Variants in NUP85 observed in about 807,000 individuals in gnomAD.
The protein encoded by NUP85 is nucleoporin 85, also known as nuclear pore complex protein Nup85.
Under a neutral mutation model 92.8 loss-of-function variants are expected in NUP85, and 23 were observed. That is an observed-to-expected ratio of 0.25 (90% CI 0.18 to 0.35). The LOEUF (loss-of-function observed/expected upper bound fraction) is 0.35. Among genes scored for constraint, NUP85 ranks in the 10% least tolerant of loss-of-function variants. The probability of loss-of-function intolerance (pLI) is 1.00; values close to 1 mark genes in which losing one functional copy is unlikely to be tolerated. For missense variants in NUP85, 759 were observed against 822.8 expected, an observed-to-expected ratio of 0.92 and a Z score of 0.95; for synonymous variants, 314 against 306.9, an observed-to-expected ratio of 1.02 and a Z score of -0.24.
chr17:75,224,724 C>A (rs1056855877), intron 7 of NUP85, among the ~76,000 whole-genome samples: 1 of 150,592 alleles, frequency 6.6e-6, no homozygotes, highest in Non-Finnish European at 1.5e-5. Context: ...CTCAGCTACT[C>A]GGGAGGTTGA....
chr17:75,225,563 C>A, intron 9 of NUP85, 99 bp downstream of exon 9: 1 of 1,570,714 alleles, frequency 6.4e-7, no homozygotes, highest in Non-Finnish European at 8.6e-7. Flanking sequence ...TTGGATAGGG[C>A]TGTCTGTCGC....
chr17:75,222,354 C>T (rs767365935), intron 7 of NUP85, among the ~76,000 whole-genome samples: 6 of 152,010 alleles, frequency 3.9e-5, no homozygotes, highest in Non-Finnish European at 8.8e-5. Context: ...CGACATGTTA[C>T]GTTTTAAGAT....
At chr17:75,208,462 A>T in intron 1 of NUP85, 65 bp from the exon 2 acceptor site, 1 of 744,382 alleles carries the variant, frequency 1.3e-6, no homozygotes, top group Non-Finnish European at 2.1e-6. Context: ...AAAAAAAAAA[A>T]GAATGGAACA....
In NUP85 at chr17:75,225,262, C is replaced by T. The variant is rs1375153569; in HGVS notation, c.732+25C>T. 1.9e-6 allele frequency: 3 copies of T among 1,606,048 alleles called. No individual in the cohort carries two copies. The South Asian group carries it at 3.3e-5, about 18-fold the overall frequency. On this transcript the variant is annotated intron_variant, in intron 8 of 18. Coordinates refer to ENST00000245544, the MANE Select transcript of NUP85 (RefSeq NM_024844.5). ...TGTACGTGGGGGTAGCTTTGCTCTG[C>T]TGGGTCACAGGAGATGCGTGATTCA... is the stretch of plus-strand genomic sequence containing the variant.
chr17:75,212,081 TGC>T lies in NUP85; in HGVS notation c.361+25_361+26del, dbSNP rs539810910. On this transcript the variant is annotated intron_variant, in intron 4 of 18. Transcript: ENST00000245544. ...GTTGCAAGTAAGGACTGTGTGCGCG[TGC>T]GCGCGTGTGTGTGTGTGTGTGTGTG... 2.7e-3 allele frequency: 3,584 copies of T among 1,307,842 alleles called. 178 individuals carry two copies. Among genetic ancestry groups the T allele is most frequent in the Non-Finnish European group, 3.1e-3 (2,884 of 918,104 alleles). The allele number at this position is 1,307,842 out of a possible 1,614,324, so 81.0% of individuals were successfully genotyped here.
intron 14 of NUP85, among the ~76,000 whole-genome samples, chr17:75,232,428 T>C (rs146968274): frequency 9.3e-4 from 142 of 152,276 alleles, no homozygotes; most frequent in Non-Finnish European, 1.7e-3. Context: ...ACATGAGTTA[T>C]TACCCTGCAG....
chr17:75,215,810 T>C lies in NUP85; in HGVS notation c.462T>C (p.Ile154=), dbSNP rs1250853471. 6.2e-7 allele frequency: 1 copy of C among 1,613,856 alleles called. No individual in the cohort carries two copies. Among genetic ancestry groups the C allele is most frequent in the Non-Finnish European group, 8.5e-7 (1 of 1,179,836 alleles). ...LIWNLCEILF[I]EVAPAGPLLL... ...GGAACCTGTGTGAGATTCTTTTTAT[T>C]GAAGTGGCCCCAGGTAGGCATGGAA... is the stretch of plus-strand genomic sequence containing the variant. Residue 154 remains isoleucine (I), a synonymous_variant, in exon 6 of 19, where the codon ATT becomes ATC. Coordinates refer to ENST00000245544, the MANE Select transcript of NUP85 (RefSeq NM_024844.5).
chr17:75,217,184 C>A (rs1231141027), intron 6 of NUP85, among the ~76,000 whole-genome samples: 1 of 152,054 alleles, frequency 6.6e-6, no homozygotes, highest in Non-Finnish European at 1.5e-5. Context: ...CCCAGCCTCC[C>A]AAGTAGCTGG....
chr17:75,209,558 C>G (rs988094910), intron 2 of NUP85, among the ~76,000 whole-genome samples: 3 of 151,790 alleles, frequency 2.0e-5, no homozygotes, highest in Non-Finnish European at 4.4e-5. Context: ...ATTCTCCTGC[C>G]TCAGTCTCCT....
chr17:75,207,530 A>G (rs2075122885), intron 1 of NUP85, among the ~76,000 whole-genome samples: 1 of 151,570 alleles, frequency 6.6e-6, no homozygotes, highest in Admixed American at 6.6e-5. Context: ...CCCAGAGTGG[A>G]GTGCAGTGGC....
intron 16 of NUP85, among the ~76,000 whole-genome samples, chr17:75,233,981 G>A (rs547964635): frequency 2.6e-5 from 4 of 151,914 alleles, no homozygotes; most frequent in South Asian, 2.1e-4. Context: ...TGATCCGCCC[G>A]CCTCGGCCTC....
At chr17:75,212,093 T>TGCGC in intron 4 of NUP85, 31 bp downstream of exon 4, 2 of 1,348,700 alleles carry the variant, frequency 1.5e-6, no homozygotes, top group Admixed American at 2.1e-5. Flanking sequence ...CGCGCGTGTG[T>TGCGC]GTGTGTGTGT....
Position 75,213,862 on chromosome 17 carries a change from G to GT in NUP85, c.405+770dup, listed in dbSNP as rs55973643. Among the ~76,000 whole-genome samples, 52 of 122,028 alleles carry GT rather than the reference G, an allele frequency of 4.3e-4. 3 individuals are homozygous for GT. Among genetic ancestry groups the GT allele is most frequent in the African/African-American group, 1.4e-3 (45 of 32,168 alleles). The allele number at this position is 122,028 out of a possible 152,430, so 80.1% of individuals were successfully genotyped here. ...AGCTGCCACACCTGGCAAAACTCAA[G>GT]TTTTTTTTTTTTTTTTTTTTTTTTT... On this transcript the variant is annotated intron_variant, in intron 5 of 18. Coordinates refer to ENST00000245544, the MANE Select transcript of NUP85 (RefSeq NM_024844.5).
At chr17:75,223,481 G>A (rs2075657490) in intron 7 of NUP85, among the ~76,000 whole-genome samples, 1 of 151,850 alleles carries the variant, frequency 6.6e-6, no homozygotes, top group South Asian at 2.1e-4. Context: ...TCTGCCTCCC[G>A]GGTTCAAATG....
chr17:75,206,440 C>G (rs1050499357), intron 1 of NUP85, among the ~76,000 whole-genome samples: 1 of 151,870 alleles, frequency 6.6e-6, no homozygotes, highest in Admixed American at 6.6e-5. Flanking sequence ...GAGGATCCAA[C>G]CGGGAAAAAG....
At chr17:75,220,165 C>T (rs2075555913) in intron 7 of NUP85, among the ~76,000 whole-genome samples, 1 of 152,138 alleles carries the variant, frequency 6.6e-6, no homozygotes, top group South Asian at 2.1e-4. Flanking sequence ...CTCTCTGTCA[C>T]CTAGGCTGGA....
chr17:75,208,210 C>T (rs1445251639), intron 1 of NUP85: 5 of 259,862 alleles, frequency 1.9e-5, no homozygotes, highest in Non-Finnish European at 3.6e-5. Context: ...CTGAGGCGGA[C>T]GGATCACCTG....
rs1390902969 is a variant in NUP85, at chr17:75,228,867, C to T, written c.1095-2473C>T. 1.6e-5 allele frequency: 16 copies of T among 985,320 alleles called. No individual in the cohort carries two copies. The Admixed American group carries it at 1.8e-4, about 11-fold the overall frequency. 61.0% of individuals were successfully genotyped at this position (985,320 alleles called of 1,614,324 possible). On this transcript the variant is annotated intron_variant, in intron 11 of 18. Coordinates refer to ENST00000245544, the MANE Select transcript of NUP85 (RefSeq NM_024844.5). The stretch of plus-strand genomic sequence containing the variant: ...GGATCCTGACTCAGAGGCTGTAGTT[C>T]GTCAGCCCTGCTAAAGGGCCAGGGG...
intron 10 of NUP85, 34 bp from the exon 11 acceptor site, chr17:75,226,016 TC>T (rs773991447): frequency 6.2e-7 from 1 of 1,610,808 alleles, no homozygotes; most frequent in South Asian, 1.1e-5. Context: ...TCTGCTTCCG[TC>T]CTCAGGATTG....
Sources: allele counts gnomAD v4.1 joint callset (sites outside exome capture counted in the v4.1 genomes callset), GRCh38; gene constraint gnomAD v4.1.1; transcripts MANE v1.5; gene names NCBI Gene and HGNC (gene_info 2026-07-23, HGNC 2026-07-21).